Variants in PDE6C observed in about 807,000 individuals in gnomAD.
The protein encoded by PDE6C is phosphodiesterase 6C.
In PDE6C, 75 loss-of-function variants were observed where a neutral mutation model predicts 113.1. The ratio of observed to expected loss-of-function variants is 0.66; its 90% CI spans 0.55 to 0.80. The LOEUF is 0.80. Among genes scored for constraint, PDE6C ranks in the 30% least tolerant of loss-of-function variants. The pLI, the probability that PDE6C is intolerant of heterozygous loss-of-function variation, is 0.00. For synonymous variants in PDE6C, 375 were observed against 363.7 expected, an observed-to-expected ratio of 1.03 and a Z score of -0.35; for missense variants, 912 against 1,038.6, an observed-to-expected ratio of 0.88 and a Z score of 1.67.
chr10:93,640,911 T>A lies in PDE6C; in HGVS notation c.1738-9T>A, dbSNP rs572738950. 19 of 1,547,600 alleles carry A rather than the reference T, an allele frequency of 1.2e-5. No individual in the cohort carries two copies. The highest frequency in any genetic ancestry group is 1.6e-5 in the Non-Finnish European group (18 of 1,119,638). The stretch of plus-strand genomic sequence containing the variant: ...ATTATAGATATGCATATATATGTTA[T>A]TTTTTTAGACAGGAAGATTAAAGAA... On this transcript the variant is annotated splice_polypyrimidine_tract_variant and intron_variant, in intron 13 of 21. Transcript: ENST00000371447.
At chr10:93,663,604 G>A (rs936314565) in intron 21 of PDE6C, among the ~76,000 whole-genome samples, 7 of 152,150 alleles carry the variant, frequency 4.6e-5, no homozygotes, top group African/African-American at 9.6e-5. Context: ...TCTTCTCCAT[G>A]TAATGAGGTG....
intron 10 of PDE6C, 149 bp downstream of exon 10, chr10:93,635,789 A>C: frequency 1.2e-6 from 1 of 837,610 alleles, no homozygotes; most frequent in Non-Finnish European, 2.0e-6. Context: ...GGAAGAAGAC[A>C]TGGATGGCCC....
At chr10:93,657,813 T>C (rs1414361994) in intron 16 of PDE6C, among the ~76,000 whole-genome samples, 3 of 152,136 alleles carry the variant, frequency 2.0e-5, no homozygotes, top group Admixed American at 6.5e-5. Context: ...GTCTTCAATT[T>C]CATGCTACAT....
chr10:93,646,103 C>T, intron 15 of PDE6C, 56 bp downstream of exon 15: 3 of 1,019,354 alleles, frequency 2.9e-6, no homozygotes, highest in Non-Finnish European at 4.7e-6. Context: ...AAAGCACTAA[C>T]CCACAGAAAA....
At position 93,663,039 on chromosome 10, in the gene PDE6C, G is replaced by A. The variant is rs746582453; in HGVS notation, c.2379G>A (p.Arg793=). ...VCTFVYKEFS[R]FHKEITPMLS... ...AAAATTCCTTTTAGGAGTTCTCACG[G>A]TTTCACAAAGAAATCACACCTATGC... is the stretch of plus-strand genomic sequence containing the variant. Residue 793 remains arginine (R), a synonymous_variant, in exon 21 of 22, where the codon CGG becomes CGA. Transcript: ENST00000371447. 1 of 1,612,100 alleles carries A rather than the reference G, an allele frequency of 6.2e-7. No individual in the cohort carries two copies. The highest frequency in any genetic ancestry group is 1.3e-5 in the African/African-American group (1 of 74,816).
intron 13 of PDE6C, 62 bp from the exon 14 acceptor site, chr10:93,640,858 T>G: frequency 9.3e-7 from 1 of 1,072,994 alleles, no homozygotes; most frequent in South Asian, 1.3e-5. Context: ...AGGCTGCACT[T>G]GGTATAGAGG....
intron 18 of PDE6C, among the ~76,000 whole-genome samples, chr10:93,660,649 C>T (rs1480120713): frequency 6.6e-6 from 1 of 152,128 alleles, no homozygotes; most frequent in Non-Finnish European, 1.5e-5. Flanking sequence ...GTCCTGAACT[C>T]CGTCACCATC....
At chr10:93,652,749 TG>T (rs2058615022) in intron 15 of PDE6C, among the ~76,000 whole-genome samples, 2 of 152,168 alleles carry the variant, frequency 1.3e-5, no homozygotes, top group Non-Finnish European at 2.9e-5. Flanking sequence ...TAGCAACAAG[TG>T]TCCAGGTTTA....
chr10:93,624,719 AG>A (rs2058465364), intron 4 of PDE6C, among the ~76,000 whole-genome samples: 1 of 152,216 alleles, frequency 6.6e-6, no homozygotes, highest in Non-Finnish European at 1.5e-5. Flanking sequence ...CACAGCTAAA[AG>A]CATCTCTAAC....
intron 15 of PDE6C, among the ~76,000 whole-genome samples, chr10:93,648,270 T>C (rs2058593807): frequency 6.6e-6 from 1 of 152,216 alleles, no homozygotes; most frequent in African/African-American, 2.4e-5. Flanking sequence ...ATCTCAGTAA[T>C]CTATACCATC....
chr10:93,648,482 T>C (rs2133871182), intron 15 of PDE6C, among the ~76,000 whole-genome samples: 1 of 152,322 alleles, frequency 6.6e-6, no homozygotes, highest in East Asian at 1.9e-4. Flanking sequence ...TTTTTTTCAT[T>C]CTCTAAAGAA....
At chr10:93,655,633 G>GAAAAACAAAAAAAAAAAAAAAA in intron 15 of PDE6C, 127 bp from the exon 16 acceptor site, 1 of 539,304 alleles carries the variant, frequency 1.9e-6, no homozygotes, top group Non-Finnish European at 3.4e-6. Context: ...AAAAAAGGAA[G>GAAAAACAAAAAAAAAAAAAAAA]GAAAACAAAA....
At position 93,651,375 on chromosome 10, in the gene PDE6C, G is replaced by T. The variant is rs1326216; in HGVS notation, c.1936-4385G>T. 5.4e-3 allele frequency among the ~76,000 whole-genome samples: 825 copies of T among 152,314 alleles called. 10 individuals are homozygous for T. Among genetic ancestry groups the T allele is most frequent in the African/African-American group, 0.018 (767 of 41,558 alleles). ...AATTGACTCACAGTTCTGCACTGCTGGGGAGGCCTCAGGAAACTTACAATC... is the reference window on the plus strand; with the variant it reads ...AATTGACTCACAGTTCTGCACTGCTTGGGAGGCCTCAGGAAACTTACAATC... On this transcript the variant is annotated intron_variant, in intron 15 of 21. Coordinates refer to ENST00000371447, the MANE Select transcript of PDE6C (RefSeq NM_006204.4).
chr10:93,659,252 A>G, intron 18 of PDE6C, 85 bp downstream of exon 18: 1 of 935,292 alleles, frequency 1.1e-6, no homozygotes, highest in Non-Finnish European at 1.7e-6. Context: ...GATCTCAGGC[A>G]ACCTCAGAAT....
intron 4 of PDE6C, among the ~76,000 whole-genome samples, chr10:93,622,938 T>C (rs1413243206): frequency 6.6e-6 from 1 of 152,196 alleles, no homozygotes; most frequent in East Asian, 1.9e-4. Flanking sequence ...ATAACCATTG[T>C]AGGTAGGTTT....
chr10:93,628,069 A>G (rs2058482438), intron 7 of PDE6C, among the ~76,000 whole-genome samples: 1 of 152,156 alleles, frequency 6.6e-6, no homozygotes, highest in Non-Finnish European at 1.5e-5. Context: ...GAAATCTCCC[A>G]TGGCAAGAGA....
chr10:93,655,956 TCACACACATACACACACACAGACACACA>T (rs1441914623), intron 16 of PDE6C, 96 bp downstream of exon 16: 3 of 787,428 alleles, frequency 3.8e-6, no homozygotes, highest in African/African-American at 3.4e-5. Context: ...AGGCATTTAT[TCACACACATACACACACACAGACACACA>T]CACACACATA....
intron 21 of PDE6C, 96 bp downstream of exon 21, chr10:93,663,274 G>GA: frequency 8.1e-7 from 1 of 1,237,532 alleles, no homozygotes; most frequent in Non-Finnish European, 1.2e-6. Context: ...ACCACAAACA[G>GA]AAAACCTGCT....
At chr10:93,636,608 C>CT (rs1399944627) in intron 10 of PDE6C, among the ~76,000 whole-genome samples, 1 of 151,188 alleles carries the variant, frequency 6.6e-6, no homozygotes, top group African/African-American at 2.5e-5. Flanking sequence ...ACCCACACCT[C>CT]TTTAAAAAAA....
Sources: allele counts gnomAD v4.1 joint callset (sites outside exome capture counted in the v4.1 genomes callset), GRCh38; gene constraint gnomAD v4.1.1; transcripts MANE v1.5; gene names NCBI Gene and HGNC (gene_info 2026-07-23, HGNC 2026-07-21).